RXFP1: variants seen among roughly 807,000 people sequenced by gnomAD.
RXFP1 encodes relaxin family peptide receptor 1.
In RXFP1, 73 loss-of-function variants were observed where a neutral mutation model predicts 89.8. The observed-to-expected ratio is 0.81, with a 90% CI of 0.67 to 0.99. The LOEUF (loss-of-function observed/expected upper bound fraction) is 0.99, where lower values mean the gene tolerates loss of function less well. Among genes scored for constraint, RXFP1 ranks in the 50% least tolerant of loss-of-function variants. The pLI is 0.00. For synonymous variants in RXFP1, 277 were observed against 305.5 expected (o/e 0.91, Z 0.97); for missense variants, 793 against 895.5 (o/e 0.89, Z 1.46).
intron 1 of RXFP1, among the ~76,000 whole-genome samples, chr4:158,572,466 G>C (rs1755286677): frequency 6.6e-6 from 1 of 152,162 alleles, no homozygotes; most frequent in Non-Finnish European, 1.5e-5. Flanking sequence ...GAGGCACTCC[G>C]GGTGGGAAAC....
At chr4:158,567,991 C>T (rs1353486073) in intron 1 of RXFP1, among the ~76,000 whole-genome samples, 1 of 152,188 alleles carries the variant, frequency 6.6e-6, no homozygotes, top group African/African-American at 2.4e-5. Context: ...AGATGTAACA[C>T]TCACCTCTAA....
At chr4:158,546,550 C>T (rs1748470508) in intron 1 of RXFP1, among the ~76,000 whole-genome samples, 4 of 152,142 alleles carry the variant, frequency 2.6e-5, no homozygotes, top group South Asian at 4.1e-4. Flanking sequence ...GGAATGCTTC[C>T]AGTTTTTGTC....
intron 8 of RXFP1, among the ~76,000 whole-genome samples, chr4:158,615,718 A>C (rs940669894): frequency 7.2e-5 from 11 of 151,896 alleles, no homozygotes; most frequent in Non-Finnish European, 1.5e-4. Context: ...TTGAGGAGAG[A>C]GGATAGCTTG....
intron 2 of RXFP1, among the ~76,000 whole-genome samples, chr4:158,573,939 A>C (rs1309324792): frequency 6.6e-6 from 1 of 152,212 alleles, no homozygotes; most frequent in African/African-American, 2.4e-5. Context: ...CTTCTAAAAG[A>C]GACAAAACAA....
intron 1 of RXFP1, among the ~76,000 whole-genome samples, chr4:158,557,560 GAC>G (rs1751574946): frequency 6.6e-6 from 1 of 152,142 alleles, no homozygotes; most frequent in Admixed American, 6.5e-5. Context: ...GTGCAGTTGT[GAC>G]CATCAGAGTT....
chr4:158,598,824 T>A (rs563352909), intron 3 of RXFP1, among the ~76,000 whole-genome samples: 169 of 148,172 alleles, frequency 1.1e-3, no homozygotes, highest in Admixed American at 4.2e-3. Context: ...CTCCTGATTT[T>A]AAAAAAAAAA....
intron 2 of RXFP1, among the ~76,000 whole-genome samples, chr4:158,593,196 A>T (rs984033171): frequency 6.6e-6 from 1 of 152,168 alleles, no homozygotes; most frequent in African/African-American, 2.4e-5. Context: ...TAAAATGGTG[A>T]CTAGGGAGCC....
At chr4:158,623,502 C>CAAAAAAAAAAAAAAAAAAAAAAAAAAAAA (rs56692438) in intron 9 of RXFP1, among the ~76,000 whole-genome samples, 11 of 42,634 alleles carry the variant, frequency 2.6e-4, no homozygotes, top group Non-Finnish European at 3.4e-4. Context: ...AACTCCATCT[C>CAAAAAAAAAAAAAAAAAAAAAAAAAAAAA]AAAAAAAAAA....
intron 1 of RXFP1, among the ~76,000 whole-genome samples, chr4:158,527,564 A>AAATATATATAT (rs5741905): frequency 0.01 from 985 of 98,316 alleles, 19 homozygotes; most frequent in Non-Finnish European, 0.014. Context: ...AAAAAAAAAA[A>AAATATATATAT]ATATATATAT....
chr4:158,646,618 A>G (rs759813978), intron 15 of RXFP1, 173 bp from the exon 16 acceptor site: 12 of 1,409,510 alleles, frequency 8.5e-6, no homozygotes, highest in Non-Finnish European at 1.1e-5. Flanking sequence ...TACCAAAGAG[A>G]GTCTATGAAT....
intron 1 of RXFP1, among the ~76,000 whole-genome samples, chr4:158,527,564 A>ATATATATATATATATATATATATATAT (rs1553989393): frequency 8.1e-5 from 8 of 98,324 alleles, no homozygotes; most frequent in African/African-American, 2.8e-4. Context: ...AAAAAAAAAA[A>ATATATATATATATATATATATATATAT]ATATATATAT....
chr4:158,627,452 A>G (rs1045586899), intron 10 of RXFP1, among the ~76,000 whole-genome samples: 8 of 151,934 alleles, frequency 5.3e-5, no homozygotes, highest in Non-Finnish European at 1.5e-5. Flanking sequence ...AATTGAATAG[A>G]TTATATCAGA....
At chr4:158,642,872 CAG>C in intron 14 of RXFP1, among the ~76,000 whole-genome samples, 1 of 152,202 alleles carries the variant, frequency 6.6e-6, no homozygotes, top group Middle Eastern at 3.4e-3. Flanking sequence ...CTCTCTCCTG[CAG>C]AGAGAGAGGG....
intron 1 of RXFP1, among the ~76,000 whole-genome samples, chr4:158,528,354 A>C (rs557334878): frequency 6.6e-6 from 1 of 152,174 alleles, no homozygotes; most frequent in East Asian, 1.9e-4. Context: ...AAAAATACAA[A>C]ATTTAGCCAG....
At chr4:158,532,037 A>G (rs1744178475) in intron 1 of RXFP1, among the ~76,000 whole-genome samples, 1 of 152,158 alleles carries the variant, frequency 6.6e-6, no homozygotes, top group Admixed American at 6.5e-5. Context: ...CCGTCACCCA[A>G]GTAATGAACA....
At position 158,593,633 on chromosome 4, in the gene RXFP1, C is replaced by T. The variant is rs143054766; in HGVS notation, c.286+134C>T. ...TTTTAATTAAAGAAACTTAAAAATTCGTAAGAGGTCAATTATAGTTTTCTA... is the reference window on the plus strand; with the variant it reads ...TTTTAATTAAAGAAACTTAAAAATTTGTAAGAGGTCAATTATAGTTTTCTA... On this transcript the variant is annotated intron_variant, in intron 3 of 17. Transcript: ENST00000307765. 1.7e-3 allele frequency: 911 copies of T among 527,802 alleles called. 7 individuals carry two copies. Among genetic ancestry groups the T allele is most frequent in the African/African-American group, 0.014 (736 of 51,902 alleles). 32.7% of individuals were successfully genotyped at this position (527,802 alleles called of 1,614,324 possible).
At chr4:158,563,494 A>G (rs1031540278) in intron 1 of RXFP1, among the ~76,000 whole-genome samples, 4 of 71,244 alleles carry the variant, frequency 5.6e-5, no homozygotes, top group Non-Finnish European at 5.3e-5. Context: ...GGAGAATTCA[A>G]TGCACACACA....
chr4:158,585,618 A>C (rs1416087205), intron 2 of RXFP1, among the ~76,000 whole-genome samples: 1 of 152,226 alleles, frequency 6.6e-6, no homozygotes, highest in African/African-American at 2.4e-5. Flanking sequence ...AGGACTAGTA[A>C]GAGCTAGATT....
chr4:158,577,303 C>T (rs1756455906), intron 2 of RXFP1, among the ~76,000 whole-genome samples: 1 of 152,162 alleles, frequency 6.6e-6, no homozygotes, highest in African/African-American at 2.4e-5. Flanking sequence ...TCCTAAAGTG[C>T]TGGGATTACA....
Sources: allele counts gnomAD v4.1 joint callset (sites outside exome capture counted in the v4.1 genomes callset), GRCh38; gene constraint gnomAD v4.1.1; transcripts MANE v1.5; gene names NCBI Gene and HGNC (gene_info 2026-07-23, HGNC 2026-07-21).